Variants in DGKD observed in about 807,000 individuals in gnomAD.
DGKD encodes diacylglycerol kinase delta.
In DGKD, 68 loss-of-function variants were observed where a neutral mutation model predicts 154.4. The observed-to-expected ratio is 0.44, with a 90% CI of 0.36 to 0.54. The LOEUF is 0.54. Among genes scored for constraint, DGKD ranks in the 20% least tolerant of loss-of-function variants. DGKD has a pLI of 0.00. For synonymous variants in DGKD, 693 were observed against 638.0 expected (o/e 1.09, Z -1.30); for missense variants, 1,343 against 1,593.6 (o/e 0.84, Z 2.68).
rs199720326 is a variant in DGKD, at chr2:233,462,661, G to A, written c.3112G>A (p.Val1038Ile). The A allele has an allele frequency of 7.4e-5, 119 of 1,614,120 alleles. 1 individual carries two copies. In the South Asian group the frequency reaches 7.5e-4, roughly 10 times the overall value. ...RTTEGLNCSF[V>I]LEMVNNFRAL... ...CTTCTAGGGGCTCAACTGCAGCTTCGTCCTGGAAATGGTGAATAACTTCAG... is the reference window on the plus strand; with the variant it reads ...CTTCTAGGGGCTCAACTGCAGCTTCATCCTGGAAATGGTGAATAACTTCAG... Residue 1038 changes from valine (V) to isoleucine (I), a missense_variant, in exon 26 of 30, where the codon GTC (valine) becomes ATC (isoleucine). Physicochemically the swap from Val to Ile is conservative, Grantham distance 29 (BLOSUM62 3). This residue lies in a region of DGKD where 429 missense variants were observed against 496.3 expected (regional missense o/e 0.86). Coordinates refer to ENST00000264057, the MANE Select transcript of DGKD (RefSeq NM_152879.3).
At chr2:233,446,063 G>A (rs577208589) in intron 11 of DGKD, among the ~76,000 whole-genome samples, 1 of 152,258 alleles carries the variant, frequency 6.6e-6, no homozygotes, top group Non-Finnish European at 1.5e-5. Context: ...GCTTCAGCCC[G>A]AGATCTAATA....
intron 24 of DGKD, among the ~76,000 whole-genome samples, chr2:233,461,115 C>G (rs969160646): frequency 1.3e-5 from 2 of 152,176 alleles, no homozygotes; most frequent in African/African-American, 4.8e-5. Context: ...GGCTGGTGGT[C>G]AGCATTGTCT....
intron 3 of DGKD, among the ~76,000 whole-genome samples, chr2:233,425,331 C>T (rs894095559): frequency 1.2e-4 from 18 of 152,002 alleles, no homozygotes; most frequent in South Asian, 2.1e-4. Flanking sequence ...GGACCACAGG[C>T]GCCCGCCACC....
intron 10 of DGKD, among the ~76,000 whole-genome samples, chr2:233,443,832 C>T (rs1312009251): frequency 6.6e-6 from 1 of 152,226 alleles, no homozygotes; most frequent in Non-Finnish European, 1.5e-5. Flanking sequence ...GGCTGATTTT[C>T]ATACGTTCAG....
chr2:233,463,739 C>T (rs2063741682), intron 26 of DGKD: 1 of 235,948 alleles, frequency 4.2e-6, no homozygotes, highest in Admixed American at 5.0e-5. Context: ...TACGCATCTC[C>T]TTATCCCATG....
intron 4 of DGKD, 117 bp downstream of exon 4, chr2:233,434,601 T>C: frequency 7.0e-7 from 1 of 1,427,014 alleles, no homozygotes; most frequent in South Asian, 1.2e-5. Flanking sequence ...GTTCTTAGCA[T>C]GTTCTTTATA....
Position 233,457,544 on chromosome 2 carries a change from TCTGTGGTCAGCAG to T in DGKD, c.2580+217_2580+229del. 1.5e-6 allele frequency: 1 copy of T among 661,198 alleles called. No individual in the cohort carries two copies. The highest frequency in any genetic ancestry group is 2.8e-6 in the Non-Finnish European group (1 of 357,884). 41.0% of individuals were successfully genotyped at this position (661,198 alleles called of 1,614,324 possible). A position where few individuals can be genotyped will look rare whatever the true frequency, so the allele number is the denominator to read the frequency against. On this transcript the variant is annotated intron_variant, in intron 21 of 29. Transcript: ENST00000264057. This position sits in a 1 kb window ranked among gnomAD's most constrained non-coding sequence, Gnocchi z 5.5. ...TGTCAGTGAAGGTGGTCAGTGAGGG[TCTGTGGTCAGCAG>T]ATGTGGTCAGCGGGTGTGACGTGGA... is the stretch of plus-strand genomic sequence containing the variant.
chr2:233,380,795 G>A (rs1018659420), intron 1 of DGKD, among the ~76,000 whole-genome samples: 1 of 152,160 alleles, frequency 6.6e-6, no homozygotes, highest in Non-Finnish European at 1.5e-5. Flanking sequence ...TCTCCTGGGG[G>A]TTTGGGCATA....
In DGKD at chr2:233,449,950, C is replaced by T. The variant is rs558343493; in HGVS notation, c.1889-32C>T. On this transcript the variant is annotated intron_variant, in intron 15 of 29. Transcript: ENST00000264057. This position sits in a 1 kb window ranked among gnomAD's most constrained non-coding sequence, Gnocchi z 5.3. The stretch of plus-strand genomic sequence containing the variant: ...GACAGCGCCCTTGGCTTTGCACCCG[C>T]GTGCTCAGCCGCACACACTCTCCTT... 1.2e-5 allele frequency: 18 copies of T among 1,547,100 alleles called. No homozygotes were observed. The African/African-American group carries it at 1.2e-4, about 11-fold the overall frequency.
chr2:233,394,629 C>T (rs1294201631), intron 3 of DGKD, among the ~76,000 whole-genome samples: 1 of 151,174 alleles, frequency 6.6e-6, no homozygotes, highest in Non-Finnish European at 1.5e-5. Context: ...TATACATACC[C>T]CCCACCCTTT....
intron 3 of DGKD, among the ~76,000 whole-genome samples, chr2:233,433,716 CA>C (rs1048057154): frequency 4.0e-5 from 6 of 151,606 alleles, no homozygotes; most frequent in Admixed American, 1.3e-4. Context: ...CATGTACCCA[CA>C]AAAAAAATTA....
At chr2:233,442,034 G>A (rs552649741) in intron 10 of DGKD, 39 bp downstream of exon 10, 1 of 1,556,858 alleles carries the variant, frequency 6.4e-7, no homozygotes, top group South Asian at 1.1e-5. Flanking sequence ...GAGCAGAGAG[G>A]GTGCGGAGGT....
At position 233,456,916 on chromosome 2, in the gene DGKD, T is replaced by C. The variant is rs768636021; in HGVS notation, c.2393T>C (p.Met798Thr). 1 of 1,613,982 alleles carries C rather than the reference T, an allele frequency of 6.2e-7. No individual in the cohort carries two copies. Among genetic ancestry groups the C allele is most frequent in the Non-Finnish European group, 8.5e-7 (1 of 1,179,882 alleles). ...GTTTCTAGGAGCCGAACCAAGAACA[T>C]GATGTGGTATGGAGTTCTTGGAACC... ...PEKCRSRTKN[M>T]MWYGVLGTKE... Residue 798 changes from methionine to threonine, a missense_variant, in exon 20 of 30, where the codon ATG becomes ACG. Physicochemically the swap from Met to Thr is moderately conservative, Grantham distance 81. Transcript: ENST00000264057.
chr2:233,359,965 G>A (rs375727485), intron 1 of DGKD, among the ~76,000 whole-genome samples: 128 of 152,318 alleles, frequency 8.4e-4, no homozygotes, highest in African/African-American at 3.0e-3. Flanking sequence ...TTGAGGCAGT[G>A]ACTGGCTGGG....
chr2:233,469,250 A>G lies in DGKD; in HGVS notation c.3556-121A>G, dbSNP rs1350108303. The G allele has an allele frequency of 5.1e-6, 4 of 790,726 alleles. No homozygotes were observed. The Admixed American group carries it at 7.1e-5, about 14-fold the overall frequency. 49.0% of individuals were successfully genotyped at this position (790,726 alleles called of 1,614,324 possible). On this transcript the variant is annotated intron_variant, in intron 29 of 29. Coordinates refer to ENST00000264057, the MANE Select transcript of DGKD (RefSeq NM_152879.3). ...TCCATCTTGTTTTACCGTTTTTGTC[A>G]TTTTGGCTCTCATTTGTGTTCACAA... is the stretch of plus-strand genomic sequence containing the variant.
intron 1 of DGKD, among the ~76,000 whole-genome samples, chr2:233,367,349 T>C (rs913736970): frequency 4.0e-5 from 6 of 151,858 alleles, no homozygotes; most frequent in Non-Finnish European, 7.4e-5. Flanking sequence ...CTGCCTCAGC[T>C]TCCCAAGCAG....
At chr2:233,384,954 C>T (rs985744423) in intron 1 of DGKD, among the ~76,000 whole-genome samples, 9 of 152,184 alleles carry the variant, frequency 5.9e-5, no homozygotes, top group African/African-American at 1.7e-4. Flanking sequence ...TGCCCCACAT[C>T]CCAGAGCACT....
intron 2 of DGKD, among the ~76,000 whole-genome samples, chr2:233,389,320 A>G (rs1313300750): frequency 6.6e-6 from 1 of 152,234 alleles, no homozygotes; most frequent in African/African-American, 2.4e-5. Context: ...AGGAGCAGCC[A>G]GTGAAAGTCA....
chr2:233,434,830 C>G lies in DGKD; in HGVS notation c.515C>G (p.Ala172Gly). 6.2e-7 allele frequency: 1 copy of G among 1,614,222 alleles called. No homozygotes were observed. The highest frequency in any genetic ancestry group is 1.1e-5 in the South Asian group (1 of 91,084). ...GMHNWYACSH[A>G]RPTYCNVCRE... Reference sequence around the variant, plus strand: ...CACAATTGGTACGCCTGTTCCCACGCGAGGCCGACCTACTGCAATGTGTGC... The same window carrying G: ...CACAATTGGTACGCCTGTTCCCACGGGAGGCCGACCTACTGCAATGTGTGC... Residue 172 changes from alanine (A) to glycine (G), a missense_variant, in exon 5 of 30, where the codon GCG (alanine) becomes GGG (glycine). Transcript: ENST00000264057.
Sources: gnomAD v4.1 joint callset for allele counts (sites outside exome capture counted in the v4.1 genomes callset) on GRCh38, gnomAD v4.1.1 for gene constraint, gnomAD v4.1.1 regional missense constraint, Gnocchi (gnomAD v3.1) non-coding constraint, MANE v1.5 for transcripts, NCBI Gene and HGNC (gene_info 2026-07-23, HGNC 2026-07-21) for gene names.